The following KIF11 variants were observed in gnomAD, a reference collection of about 807,000 sequenced individuals.
KIF11 encodes kinesin-like protein KIF11.
KIF11 carries 9 observed loss-of-function variants against 121.0 expected under a neutral mutation model. The observed-to-expected ratio is 0.07, with a 90% CI of 0.04 to 0.13. The LOEUF is 0.13. Among genes scored for constraint, KIF11 ranks in the 10% least tolerant of loss-of-function variants. The pLI is 1.00. For missense variants in KIF11, 846 were observed against 1,217.5 expected (o/e 0.69, Z 4.54); for synonymous variants, 408 against 421.0 (o/e 0.97, Z 0.38).
chr10:92,638,567 AC>A (rs1471221361), intron 16 of KIF11, among the ~76,000 whole-genome samples: 1 of 152,230 alleles, frequency 6.6e-6, no homozygotes, highest in Admixed American at 6.5e-5. Flanking sequence ...CTTTAAAAAA[AC>A]AATACAAAAA....
chr10:92,614,491 C>T (rs1402275117), intron 8 of KIF11, among the ~76,000 whole-genome samples: 1 of 152,148 alleles, frequency 6.6e-6, no homozygotes, highest in Non-Finnish European at 1.5e-5. Context: ...CTTTTTCCTT[C>T]CTGGCAGAGT....
chr10:92,640,277 T>C (rs1253083511), intron 17 of KIF11, among the ~76,000 whole-genome samples: 1 of 152,076 alleles, frequency 6.6e-6, no homozygotes, highest in Non-Finnish European at 1.5e-5. Flanking sequence ...AATAATTTCA[T>C]TGGACACTGT....
rs113055321 is a variant in KIF11 at position 92,607,325 on chromosome 10, A to G, written c.387+88A>G. On this transcript the variant is annotated intron_variant, in intron 4 of 21. Coordinates refer to ENST00000260731, the MANE Select transcript of KIF11 (RefSeq NM_004523.4). ...TGTTTGAGGGCCTCTGTCTTGGAAT[A>G]GAGATCAGAGTACCTATGTCAAAAT... 20 of 718,192 alleles carry G rather than the reference A, an allele frequency of 2.8e-5. 1 individual carries two copies. Among genetic ancestry groups the G allele is most frequent in the African/African-American group, 1.2e-4 (7 of 56,332 alleles). 44.5% of individuals were successfully genotyped at this position (718,192 alleles called of 1,614,324 possible).
Position 92,651,507 on chromosome 10 carries a change from G to GTATTTTTTTTTT in KIF11, c.3039+991_3039+992insATTTTTTTTTTT, listed in dbSNP as rs1554863366. 6.6e-3 allele frequency among the ~76,000 whole-genome samples: 352 copies of GTATTTTTTTTTT among 52,968 alleles called. 99 individuals are homozygous for GTATTTTTTTTTT. Among genetic ancestry groups the GTATTTTTTTTTT allele is most frequent in the South Asian group, 0.012 (12 of 1,032 alleles). 34.7% of individuals were successfully genotyped at this position (52,968 alleles called of 152,430 possible). A position where few individuals can be genotyped will look rare whatever the true frequency, so the allele number is the denominator to read the frequency against. On this transcript the variant is annotated intron_variant, in intron 21 of 21. Transcript: ENST00000260731. ...TGTGCCACCATGCCTGGCTAATTTTGTTTTTTTTTTTTTTTTTTTTTTTTT... is the reference window on the plus strand; with the variant it reads ...TGTGCCACCATGCCTGGCTAATTTTGTATTTTTTTTTTTTTTTTTTTTTTTTTTTTTTTTTTT...
At chr10:92,650,343 C>T (rs1441752047) in intron 20 of KIF11, 58 bp from the exon 21 acceptor site, 1 of 955,362 alleles carries the variant, frequency 1.0e-6, no homozygotes, top group Non-Finnish European at 1.7e-6. Context: ...GCTGCTGTTA[C>T]TCTTGTGATG....
intron 1 of KIF11, among the ~76,000 whole-genome samples, chr10:92,600,564 G>A (rs1361446819): frequency 6.6e-6 from 1 of 152,088 alleles, no homozygotes; most frequent in Non-Finnish European, 1.5e-5. Flanking sequence ...CTGGAGTGCA[G>A]TGGCACAATC....
chr10:92,606,531 A>G (rs1279136418), intron 2 of KIF11, 88 bp from the exon 3 acceptor site: 1 of 1,133,266 alleles, frequency 8.8e-7, no homozygotes, highest in Non-Finnish European at 1.3e-6. Flanking sequence ...AGTGGGCTGA[A>G]TTATGAATTA....
chr10:92,650,086 C>A lies in KIF11; in HGVS notation c.2922+100C>A, dbSNP rs1014359866. The A allele has an allele frequency of 1.3e-5, 11 of 853,566 alleles. No homozygotes were observed. The African/African-American group carries it at 1.7e-4, about 13-fold the overall frequency. The allele number at this position is 853,566 out of a possible 1,614,324, so 52.9% of individuals were successfully genotyped here. A position where few individuals can be genotyped will look rare whatever the true frequency, so the allele number is the denominator to read the frequency against. On this transcript the variant is annotated intron_variant, in intron 20 of 21. Transcript: ENST00000260731. ...TTTTACTGTTTACCCCTCAATCTTACCCCGCCTCTCATTAATGATAGGCCT... is the reference window on the plus strand; with the variant it reads ...TTTTACTGTTTACCCCTCAATCTTAACCCGCCTCTCATTAATGATAGGCCT...
rs1298207502 is a variant in KIF11, at chr10:92,655,019, A to ATCT, written c.*1225_*1227dup. The ATCT allele has an allele frequency of 7.2e-5, 11 of 152,678 alleles. No homozygotes were observed. Among genetic ancestry groups the ATCT allele is most frequent in the Non-Finnish European group, 1.5e-4 (10 of 68,034 alleles). The allele number at this position is 152,678 out of a possible 1,614,324, so 9.5% of individuals were successfully genotyped here. ...TGTATATAATACAATGTGTACATGTATCTTTTTCTCGATTCAAATCTTAAC... is the reference window on the plus strand; with the variant it reads ...TGTATATAATACAATGTGTACATGTATCTTCTTTTTCTCGATTCAAATCTTAAC... On this transcript the variant is annotated 3_prime_UTR_variant, in exon 22 of 22. Transcript: ENST00000260731.
intron 6 of KIF11, among the ~76,000 whole-genome samples, chr10:92,612,275 G>A (rs1844506126): frequency 6.6e-6 from 1 of 151,912 alleles, no homozygotes; most frequent in Non-Finnish European, 1.5e-5. Context: ...AGCTGGAACT[G>A]TAGGAGCGTG....
At chr10:92,607,268 C>T (rs1589590761) in intron 4 of KIF11, 31 bp downstream of exon 4, 1 of 1,311,530 alleles carries the variant, frequency 7.6e-7, no homozygotes, top group Non-Finnish European at 1.1e-6. Flanking sequence ...ACTTTTATCT[C>T]TAATGTGACT....
chr10:92,625,379 C>G (rs946507382), intron 10 of KIF11, among the ~76,000 whole-genome samples: 1 of 147,024 alleles, frequency 6.8e-6, no homozygotes, highest in African/African-American at 2.5e-5. Context: ...GACACAGTTT[C>G]ACTGTTGCCC....
intron 8 of KIF11, among the ~76,000 whole-genome samples, chr10:92,614,003 AAAAG>A (rs1844524109): frequency 7.0e-6 from 1 of 143,310 alleles, no homozygotes; most frequent in South Asian, 2.2e-4. Context: ...TGTATAAAAA[AAAAG>A]AAAAGTATGT....
intron 13 of KIF11, 74 bp downstream of exon 13, chr10:92,632,767 A>C: frequency 1.6e-6 from 1 of 619,144 alleles, no homozygotes; most frequent in Non-Finnish European, 2.5e-6. Context: ...TAATTTTGTG[A>C]AACATAGATG....
At chr10:92,626,717 A>G (rs1313876699) in intron 10 of KIF11, among the ~76,000 whole-genome samples, 1 of 151,990 alleles carries the variant, frequency 6.6e-6, no homozygotes, top group Admixed American at 6.6e-5. Context: ...ATTTCAAATA[A>G]TCCCGTTTTA....
Position 92,609,140 on chromosome 10 carries a change from G to A in KIF11, c.508G>A (p.Asp170Asn). The A allele has an allele frequency of 6.2e-7, 1 of 1,605,522 alleles. No homozygotes were observed. Among genetic ancestry groups the A allele is most frequent in the Non-Finnish European group, 8.5e-7 (1 of 1,175,410 alleles). Residue 170 changes from aspartate (D) to asparagine (N), a missense_variant, in exon 5 of 22, where the codon GAT (aspartate) becomes AAT (asparagine). By Grantham distance (23) the Asp-to-Asn change is conservative (BLOSUM62 1). This residue lies in a region of KIF11 where 116 missense variants were observed against 285.3 expected (regional missense o/e 0.41). Transcript: ENST00000260731. ...GGAGATCTATAATGAAGAGCTTTTT[G>A]ATCTTCTTAATCCATCATCTGATGT... ...LLEIYNEELF[D>N]LLNPSSDVSE... is the part of the protein sequence containing the mutation.
At chr10:92,633,434 C>G (rs1844760439) in intron 13 of KIF11, among the ~76,000 whole-genome samples, 189 bp from the exon 14 acceptor site, 1 of 152,100 alleles carries the variant, frequency 6.6e-6, no homozygotes, top group Non-Finnish European at 1.5e-5. Context: ...TAAGGGCTTA[C>G]AGAGCACTAT....
chr10:92,633,668 C>T lies in KIF11; in HGVS notation c.1748C>T (p.Thr583Ile). 6.2e-7 allele frequency: 1 copy of T among 1,607,332 alleles called. No homozygotes were observed. Among genetic ancestry groups the T allele is most frequent in the South Asian group, 1.1e-5 (1 of 90,648 alleles). ...SSVSALDTITTVALGSLTSIP... is the reference protein window; with the variant it reads ...SSVSALDTITIVALGSLTSIP... ...GTCTCTGCATTAGATACCATTACTA[C>T]AGTAGCACTTGGATCTCTCACATCT... The change falls in exon 14 of 22, where the codon ACA (threonine) becomes ATA (isoleucine). Residue 583 changes from threonine to isoleucine, a missense_variant. Around this residue, in one of 5 missense-constraint regions of KIF11, gnomAD observed 492 missense variants for 603.4 expected, o/e 0.82. Coordinates refer to ENST00000260731, the MANE Select transcript of KIF11 (RefSeq NM_004523.4).
rs1844251662 is a variant in KIF11 at position 92,593,292 on chromosome 10, C to T, written c.-84C>T. ...CGCCCGAGAGGGACCAGGGAGACTCCGGCCCCTGTCGGCCGCCAAGCCCCT... is the reference window on the plus strand; with the variant it reads ...CGCCCGAGAGGGACCAGGGAGACTCTGGCCCCTGTCGGCCGCCAAGCCCCT... On this transcript the variant is annotated 5_prime_UTR_variant, in exon 1 of 22. Transcript: ENST00000260731. 3 of 1,404,468 alleles carry T rather than the reference C, an allele frequency of 2.1e-6. No homozygotes were observed. The highest frequency in any genetic ancestry group is 2.9e-6 in the Non-Finnish European group (3 of 1,024,108). 87.0% of individuals were successfully genotyped at this position (1,404,468 alleles called of 1,614,324 possible). A position where few individuals can be genotyped will look rare whatever the true frequency, so the allele number is the denominator to read the frequency against.
Sources: allele counts gnomAD v4.1 joint callset (sites outside exome capture counted in the v4.1 genomes callset), GRCh38; gene constraint gnomAD v4.1.1; regional missense constraint gnomAD v4.1.1; transcripts MANE v1.5; gene names NCBI Gene and HGNC (gene_info 2026-07-23, HGNC 2026-07-21).